Variants in ANO2 observed in about 807,000 individuals in gnomAD.
The protein encoded by ANO2 is anoctamin-2.
In ANO2, 101 loss-of-function variants were observed where a neutral mutation model predicts 124.2. The observed-to-expected ratio is 0.81, with a 90% CI of 0.69 to 0.96. The LOEUF (loss-of-function observed/expected upper bound fraction) is 0.96. Ranked by LOEUF, ANO2 falls within the 40% of genes least tolerant of loss-of-function variation. ANO2 has a pLI of 0.00. For missense variants in ANO2, 1,293 were observed against 1,274.5 expected (o/e 1.01, Z -0.22); for synonymous variants, 486 against 482.5 (o/e 1.01, Z -0.09).
intron 14 of ANO2, among the ~76,000 whole-genome samples, chr12:5,715,051 T>C (rs918381793): frequency 6.6e-6 from 1 of 152,134 alleles, no homozygotes; most frequent in Non-Finnish European, 1.5e-5. Flanking sequence ...AGTGCTCTTC[T>C]GTGGATTAAT....
chr12:5,575,881 C>T lies in ANO2; in HGVS notation c.2574G>A (p.Gly858=), dbSNP rs776803319. The T allele has an allele frequency of 9.3e-6, 15 of 1,613,802 alleles. No homozygotes were observed. In the South Asian group the frequency reaches 1.6e-4, roughly 18 times the overall value. ...CAAACTGTGAGTTTTCTGGCTGCGT[C>T]CCCTCCTTCAGCTGGCTGACGTTGA... ...SFFNVSQLKE[G]TQPENSQFDQ... Residue 858 remains glycine (G), a synonymous_variant, in exon 23 of 25, where the codon GGG becomes GGA. Coordinates refer to ENST00000682330, the MANE Select transcript of ANO2 (RefSeq NM_001364791.2).
At chr12:5,913,599 G>A (rs1036746708) in intron 3 of ANO2, among the ~76,000 whole-genome samples, 12 of 152,246 alleles carry the variant, frequency 7.9e-5, no homozygotes, top group African/African-American at 2.2e-4. Flanking sequence ...TCCTCGGGAT[G>A]ACAAGGATCC....
At chr12:5,598,687 T>A (rs535428054) in intron 20 of ANO2, among the ~76,000 whole-genome samples, 2 of 152,214 alleles carry the variant, frequency 1.3e-5, no homozygotes, top group Non-Finnish European at 2.9e-5. Context: ...TGGTATCCTA[T>A]GCTTTTAATT....
At chr12:5,666,661 CT>C (rs1291579012) in intron 14 of ANO2, among the ~76,000 whole-genome samples, 14 of 151,834 alleles carry the variant, frequency 9.2e-5, no homozygotes, top group Non-Finnish European at 1.3e-4. Context: ...TTTTTTCCCC[CT>C]GATCTCCAAA....
intron 14 of ANO2, among the ~76,000 whole-genome samples, chr12:5,670,713 A>ATTTT (rs1565547259): frequency 2.7e-5 from 4 of 149,530 alleles, no homozygotes; most frequent in African/African-American, 1.0e-4. Flanking sequence ...TTTTTTTTAA[A>ATTTT]AAATGTTATA....
intron 3 of ANO2, among the ~76,000 whole-genome samples, chr12:5,867,778 GAAAA>G (rs10622876): frequency 6.9e-4 from 54 of 78,550 alleles, no homozygotes; most frequent in African/African-American, 2.3e-3. Flanking sequence ...GCACTATAAT[GAAAA>G]AAAAAAAAAA....
intron 3 of ANO2, among the ~76,000 whole-genome samples, chr12:5,873,654 C>T (rs544306348): frequency 1.3e-5 from 2 of 152,340 alleles, no homozygotes; most frequent in South Asian, 4.1e-4. Flanking sequence ...TCCGTCAACA[C>T]GTCAGGACAA....
chr12:5,850,162 GC>G (rs1272588265), intron 4 of ANO2, among the ~76,000 whole-genome samples: 1 of 152,110 alleles, frequency 6.6e-6, no homozygotes, highest in East Asian at 1.9e-4. Flanking sequence ...ATGCCTGTAA[GC>G]CCAACACTTT....
intron 1 of ANO2, among the ~76,000 whole-genome samples, chr12:5,934,083 A>T (rs946323036): frequency 6.6e-6 from 1 of 152,214 alleles, no homozygotes; most frequent in Non-Finnish European, 1.5e-5. Flanking sequence ...AACAACTACA[A>T]CACTAATCGC....
rs966495776 is a variant in ANO2 at position 5,593,675 on chromosome 12, C to T, written c.2233+5809G>A. Among the ~76,000 whole-genome samples the T allele has an allele frequency of 3.3e-5, 5 of 152,162 alleles. No homozygotes were observed. The East Asian group carries it at 5.8e-4, about 18-fold the overall frequency. ...AACAACGGTGGCCAATGTTCATTGACGGTCTACATGTGGAAGCACTCTACA... is the reference window on the plus strand; with the variant it reads ...AACAACGGTGGCCAATGTTCATTGATGGTCTACATGTGGAAGCACTCTACA... On this transcript the variant is annotated intron_variant, in intron 20 of 24. Coordinates refer to ENST00000682330, the MANE Select transcript of ANO2 (RefSeq NM_001364791.2).
chr12:5,845,706 G>A (rs1954661666), intron 4 of ANO2, among the ~76,000 whole-genome samples: 1 of 152,176 alleles, frequency 6.6e-6, no homozygotes, highest in African/African-American at 2.4e-5. Context: ...GAGAGAGCAG[G>A]AGCGTGGCTT....
chr12:5,838,456 G>T (rs1373398910), intron 4 of ANO2, among the ~76,000 whole-genome samples: 1 of 152,144 alleles, frequency 6.6e-6, no homozygotes, highest in East Asian at 1.9e-4. Context: ...CTCTGTCGGG[G>T]GATGGAGCAG....
chr12:5,734,201 T>C (rs1487709550), intron 13 of ANO2, among the ~76,000 whole-genome samples: 2 of 152,236 alleles, frequency 1.3e-5, no homozygotes, highest in Admixed American at 6.5e-5. Context: ...CTCTGAAAAG[T>C]ACTACTGTCA....
At chr12:5,733,139 G>A (rs923705322) in intron 13 of ANO2, 9 of 562,580 alleles carry the variant, frequency 1.6e-5, no homozygotes, top group Admixed American at 6.1e-5. Flanking sequence ...CTAAAATGGC[G>A]ACCAATAAAC....
intron 19 of ANO2, among the ~76,000 whole-genome samples, chr12:5,611,601 C>T (rs1182097406): frequency 2.6e-5 from 4 of 152,150 alleles, no homozygotes; most frequent in African/African-American, 7.2e-5. Context: ...TATTCTGAAA[C>T]AAATGCCTTT....
intron 14 of ANO2, among the ~76,000 whole-genome samples, chr12:5,665,717 C>G (rs1947673742): frequency 6.8e-6 from 1 of 146,352 alleles, no homozygotes; most frequent in Admixed American, 6.8e-5. Flanking sequence ...CCACCCCCCA[C>G]CCCCACCCCC....
chr12:5,929,867 C>T (rs1331902374), intron 1 of ANO2, among the ~76,000 whole-genome samples: 2 of 146,940 alleles, frequency 1.4e-5, no homozygotes, highest in Admixed American at 6.7e-5. Context: ...CACTCGTCTG[C>T]CTTCTTTCCT....
intron 1 of ANO2, among the ~76,000 whole-genome samples, chr12:5,929,330 TATC>T (rs1384206714): frequency 2.2e-4 from 23 of 106,224 alleles, no homozygotes; most frequent in Non-Finnish European, 4.0e-4. Flanking sequence ...CTTACTAGTC[TATC>T]TTCTTTCCTC....
rs143642414 is a variant in ANO2 at position 5,645,191 on chromosome 12, C to T, written c.1620+2536G>A. ...TTTCCATATTGCCAATCTTTTTTATCGCTATGCTGTATTACGGATAATTTA... is the reference window on the plus strand; with the variant it reads ...TTTCCATATTGCCAATCTTTTTTATTGCTATGCTGTATTACGGATAATTTA... On this transcript the variant is annotated intron_variant, in intron 15 of 24. Transcript: ENST00000682330. 1.4e-4 allele frequency among the ~76,000 whole-genome samples: 21 copies of T among 152,298 alleles called. No individual in the cohort carries two copies. In the East Asian group the frequency reaches 2.9e-3, roughly 21 times the overall value.
Sources: allele counts gnomAD v4.1 joint callset (sites outside exome capture counted in the v4.1 genomes callset), GRCh38; gene constraint gnomAD v4.1.1; transcripts MANE v1.5; gene names NCBI Gene and HGNC (gene_info 2026-07-23, HGNC 2026-07-21).